Variants in BCO1 observed in about 807,000 individuals in gnomAD.
BCO1 encodes beta-carotene oxygenase 1, also known as beta,beta-carotene 15,15'-dioxygenase.
BCO1 carries 54 observed loss-of-function variants against 56.3 expected under a neutral mutation model. The observed-to-expected ratio is 0.96, with a 90% CI of 0.77 to 1.20. The LOEUF (loss-of-function observed/expected upper bound fraction) is 1.20, where lower values mean the gene tolerates loss of function less well. Ranked by LOEUF, BCO1 falls within the 50% of genes most tolerant of loss-of-function variation. The pLI is 0.00. For missense variants in BCO1, 801 were observed against 690.9 expected (o/e 1.16, Z -1.79); for synonymous variants, 318 against 266.1 (o/e 1.20, Z -1.90).
At chr16:81,243,034 G>C (rs1022287876) in intron 1 of BCO1, among the ~76,000 whole-genome samples, 1 of 152,130 alleles carries the variant, frequency 6.6e-6, no homozygotes, top group African/African-American at 2.4e-5. Flanking sequence ...ATGGAATCCA[G>C]AACAGGCAAA....
At chr16:81,256,862 T>C (rs1906168436) in intron 2 of BCO1, among the ~76,000 whole-genome samples, 1 of 151,702 alleles carries the variant, frequency 6.6e-6, no homozygotes, top group East Asian at 1.9e-4. Flanking sequence ...GACTCCAGCC[T>C]GGGCGACAGA....
In BCO1 at chr16:81,246,418, A is replaced by G. The variant is rs115116434; in HGVS notation, c.193+815A>G. Among the ~76,000 whole-genome samples the G allele has an allele frequency of 4.2e-3, 633 of 152,314 alleles. 4 individuals carry two copies. The highest frequency in any genetic ancestry group is 0.014 in the African/African-American group (586 of 41,582). Reference sequence around the variant, plus strand: ...GTGCATTATTCAGCCAACCGCAAGCACAGACTTTCCTAAAAAGGAGGCCAA... The same window carrying G: ...GTGCATTATTCAGCCAACCGCAAGCGCAGACTTTCCTAAAAAGGAGGCCAA... On this transcript the variant is annotated intron_variant, in intron 2 of 10. Transcript: ENST00000258168.
intron 2 of BCO1, among the ~76,000 whole-genome samples, chr16:81,255,117 G>C (rs28648081): frequency 6.6e-6 from 1 of 152,170 alleles, no homozygotes; most frequent in Admixed American, 6.6e-5. Flanking sequence ...TGTAGTTTGC[G>C]TGGGTAGCTC....
intron 4 of BCO1, chr16:81,263,624 C>G (rs1374074013): frequency 1.3e-5 from 2 of 152,186 alleles, no homozygotes; most frequent in East Asian, 3.8e-4. Flanking sequence ...GAATGAATGA[C>G]TGTTGAAATG....
chr16:81,290,569 C>T lies in BCO1; in HGVS notation c.1636C>T (p.Leu546=). The change falls in exon 11 of 11, where the codon CTG becomes TTG. Residue 546 remains leucine (L), a synonymous_variant. Coordinates refer to ENST00000258168, the MANE Select transcript of BCO1 (RefSeq NM_017429.3). ...DRASDCHGAP[L]T ...GGCTTCCGACTGCCACGGGGCTCCTCTGACCTGATGGTGTTGGGGTTTGGG... is the reference window on the plus strand; with the variant it reads ...GGCTTCCGACTGCCACGGGGCTCCTTTGACCTGATGGTGTTGGGGTTTGGG... The T allele has an allele frequency of 1.9e-6, 3 of 1,613,092 alleles. No individual in the cohort carries two copies. The highest frequency in any genetic ancestry group is 2.5e-6 in the Non-Finnish European group (3 of 1,179,950).
At chr16:81,259,036 A>C (rs1906317533) in intron 2 of BCO1, among the ~76,000 whole-genome samples, 1 of 152,170 alleles carries the variant, frequency 6.6e-6, no homozygotes, top group Non-Finnish European at 1.5e-5. Context: ...ACACTAAGCC[A>C]TTCATGAGGG....
chr16:81,258,603 G>A (rs562733747), intron 2 of BCO1, among the ~76,000 whole-genome samples: 13 of 152,348 alleles, frequency 8.5e-5, no homozygotes, highest in African/African-American at 2.6e-4. Flanking sequence ...CACAAACAGG[G>A]TGGAAGGGAT....
At chr16:81,259,837 C>T (rs1906375684) in intron 3 of BCO1, 32 bp downstream of exon 3, 1 of 1,613,700 alleles carries the variant, frequency 6.2e-7, no homozygotes, top group African/African-American at 1.3e-5. Context: ...GAGCAAATTT[C>T]ATGCTTTTTG....
At chr16:81,269,300 T>C (rs1307256457) in intron 6 of BCO1, among the ~76,000 whole-genome samples, 1 of 146,534 alleles carries the variant, frequency 6.8e-6, no homozygotes, top group African/African-American at 2.7e-5. Context: ...TTTTAGTTTT[T>C]CTTTTTTTTT....
chr16:81,274,934 C>G (rs952010439), intron 7 of BCO1, among the ~76,000 whole-genome samples: 5 of 152,074 alleles, frequency 3.3e-5, no homozygotes, highest in African/African-American at 9.7e-5. Context: ...GTCATATGAA[C>G]CATCTGCTGC....
intron 7 of BCO1, among the ~76,000 whole-genome samples, chr16:81,278,268 C>A (rs777659922): frequency 1.3e-5 from 2 of 152,120 alleles, no homozygotes; most frequent in Non-Finnish European, 2.9e-5. Context: ...TCTCGAACTC[C>A]TGACCTCAGA....
intron 8 of BCO1, among the ~76,000 whole-genome samples, chr16:81,284,984 G>A (rs529899225): frequency 9.2e-5 from 14 of 151,816 alleles, no homozygotes; most frequent in African/African-American, 2.2e-4. Context: ...TTACAGGCAT[G>A]CGGCACCATG....
intron 7 of BCO1, among the ~76,000 whole-genome samples, chr16:81,274,711 C>T (rs919552581): frequency 4.6e-5 from 7 of 152,300 alleles, no homozygotes; most frequent in African/African-American, 1.7e-4. Flanking sequence ...AACCCTGTCT[C>T]TGCTAAAAAT....
intron 1 of BCO1, among the ~76,000 whole-genome samples, chr16:81,241,750 G>T (rs923773487): frequency 6.6e-6 from 1 of 152,214 alleles, no homozygotes; most frequent in Non-Finnish European, 1.5e-5. Context: ...CTGACTCTCC[G>T]TCCAGGCCTG....
chr16:81,265,221 G>A lies in BCO1; in HGVS notation c.619+434G>A, dbSNP rs560113580. Among the ~76,000 whole-genome samples, 57 of 136,024 alleles carry A rather than the reference G, an allele frequency of 4.2e-4. 1 individual carries two copies. In the South Asian group the frequency reaches 0.011, roughly 27 times the overall value. The allele number at this position is 136,024 out of a possible 152,430, so 89.2% of individuals were successfully genotyped here. A position where few individuals can be genotyped will look rare whatever the true frequency, so the allele number is the denominator to read the frequency against. On this transcript the variant is annotated intron_variant, in intron 5 of 10. Coordinates refer to ENST00000258168, the MANE Select transcript of BCO1 (RefSeq NM_017429.3). ...CCTATCCATCACCCATCCACCATCCGTCCACCCATCCACCTATCCACCCCT... is the reference window on the plus strand; with the variant it reads ...CCTATCCATCACCCATCCACCATCCATCCACCCATCCACCTATCCACCCCT...
rs545917545 is a variant in BCO1 at position 81,238,784 on chromosome 16, A to T, written c.-125A>T. 9 of 843,420 alleles carry T rather than the reference A, an allele frequency of 1.1e-5. No homozygotes were observed. The Admixed American group carries it at 1.3e-4, about 12-fold the overall frequency. The allele number at this position is 843,420 out of a possible 1,614,324, so 52.2% of individuals were successfully genotyped here. A position where few individuals can be genotyped will look rare whatever the true frequency, so the allele number is the denominator to read the frequency against. ...GCAGAAACGGCATCAGGAGAGACAG[A>T]GATGTGAAGGAGGGAAGGAGCAGGA... is the stretch of plus-strand genomic sequence containing the variant. On this transcript the variant is annotated 5_prime_UTR_variant, in exon 1 of 11. Transcript: ENST00000258168.
Position 81,268,042 on chromosome 16 carries a change from C to A in BCO1, c.754C>A (p.Pro252Thr). The A allele has an allele frequency of 6.2e-7, 1 of 1,613,614 alleles. No homozygotes were observed. Among genetic ancestry groups the A allele is most frequent in the Non-Finnish European group, 8.5e-7 (1 of 1,179,992 alleles). Residue 252 changes from proline (P) to threonine (T), a missense_variant, in exon 6 of 11, where the codon CCT becomes ACT. By Grantham distance (38) the Pro-to-Thr change is conservative (BLOSUM62 -1). Transcript: ENST00000258168. ...TENYVIFLEQ[P>T]FRLDILKMAT... ...GAACTATGTCATCTTCCTTGAGCAG[C>A]CTTTCAGGTTGGATATTCTCAAGAT...
At chr16:81,264,531 C>T (rs138838676) in intron 4 of BCO1, 109 bp from the exon 5 acceptor site, 41 of 1,316,338 alleles carry the variant, frequency 3.1e-5, no homozygotes, top group East Asian at 1.6e-4. Context: ...GAATCAGTCA[C>T]GTTTTCATAG....
At chr16:81,244,574 G>C (rs2151925537) in intron 1 of BCO1, among the ~76,000 whole-genome samples, 1 of 152,066 alleles carries the variant, frequency 6.6e-6, no homozygotes, top group Non-Finnish European at 1.5e-5. Context: ...TTTTGCCTTT[G>C]TGAGGCGAAT....
Sources: allele counts gnomAD v4.1 joint callset (sites outside exome capture counted in the v4.1 genomes callset), GRCh38; gene constraint gnomAD v4.1.1; transcripts MANE v1.5; gene names NCBI Gene and HGNC (gene_info 2026-07-23, HGNC 2026-07-21).